LMTK2: variants seen among roughly 807,000 people sequenced by gnomAD.
The protein encoded by LMTK2 is serine/threonine-protein kinase LMTK2.
A neutral mutation model predicts 127.5 loss-of-function variants in LMTK2; 37 were observed. The ratio of observed to expected loss-of-function variants is 0.29; its 90% CI spans 0.22 to 0.38. The LOEUF (loss-of-function observed/expected upper bound fraction) is 0.38, where lower values mean the gene tolerates loss of function less well. LMTK2 is among the 10% of genes least tolerant of loss of function. LMTK2 has a pLI of 1.00. For synonymous variants in LMTK2, 819 were observed against 810.1 expected, an observed-to-expected ratio of 1.01 and a Z score of -0.19; for missense variants, 1,694 against 1,920.3, an observed-to-expected ratio of 0.88 and a Z score of 2.20.
intron 7 of LMTK2, among the ~76,000 whole-genome samples, chr7:98,174,349 A>G (rs541953882): frequency 5.7e-4 from 87 of 152,208 alleles, no homozygotes; most frequent in Non-Finnish European, 1.0e-3. Flanking sequence ...AGGCACCCAC[A>G]GTGAAGTTGT....
At chr7:98,161,169 G>A (rs1797010338) in intron 6 of LMTK2, among the ~76,000 whole-genome samples, 1 of 151,338 alleles carries the variant, frequency 6.6e-6, no homozygotes, top group Non-Finnish European at 1.5e-5. Flanking sequence ...TTCTTCTTTG[G>A]GATTCTCAAT....
chr7:98,107,203 G>A lies in LMTK2; in HGVS notation c.26G>A (p.Arg9Gln). The A allele has an allele frequency of 6.9e-7, 1 of 1,456,928 alleles. No homozygotes were observed. Among genetic ancestry groups the A allele is most frequent in the Non-Finnish European group, 9.0e-7 (1 of 1,112,716 alleles). The allele number at this position is 1,456,928 out of a possible 1,614,324, so 90.3% of individuals were successfully genotyped here. MPGPPALR[R>Q]RLLLLLLVLL... The stretch of plus-strand genomic sequence containing the variant: ...ATGCCGGGGCCGCCGGCGTTGCGGC[G>A]GAGGCTGCTGCTGCTGCTGCTGGTC... Residue 9 changes from arginine to glutamine, a missense_variant, in exon 1 of 14, where the codon CGG becomes CAG. Around this residue, in one of 8 missense-constraint regions of LMTK2, gnomAD observed 76 missense variants for 82.0 expected, o/e 0.93. Transcript: ENST00000297293.
rs1797783106 is a variant in LMTK2 at position 98,205,711 on chromosome 7, C to T, written c.*219C>T. 5.0e-6 allele frequency: 3 copies of T among 602,316 alleles called. No homozygotes were observed. Among genetic ancestry groups the T allele is most frequent in the Non-Finnish European group, 8.8e-6 (3 of 339,790 alleles). 37.3% of individuals were successfully genotyped at this position (602,316 alleles called of 1,614,324 possible). Reference sequence around the variant, plus strand: ...GCCGTGTCCAGGAGCCGGCGTCCCTCAGTGCCCCGTGCACCCGCGGCCGCG... The same window carrying T: ...GCCGTGTCCAGGAGCCGGCGTCCCTTAGTGCCCCGTGCACCCGCGGCCGCG... On this transcript the variant is annotated 3_prime_UTR_variant, in exon 14 of 14. Transcript: ENST00000297293.
chr7:98,109,846 G>T (rs1186726678), intron 1 of LMTK2, among the ~76,000 whole-genome samples: 1 of 151,848 alleles, frequency 6.6e-6, no homozygotes, highest in Admixed American at 6.6e-5. Context: ...CGTTAGCTGA[G>T]GTGGGTTCTT....
At chr7:98,112,502 G>T (rs1046885918) in intron 1 of LMTK2, among the ~76,000 whole-genome samples, 6 of 152,238 alleles carry the variant, frequency 3.9e-5, no homozygotes, top group Non-Finnish European at 7.3e-5. Flanking sequence ...CAGTTCTTCA[G>T]TGGCACTGGC....
At position 98,193,758 on chromosome 7, in the gene LMTK2, G is replaced by T. The variant is rs1160306556; in HGVS notation, c.3293G>T (p.Gly1098Val). ...TPETFTAGSQ[G>V]SYRDSAYFSD... ...GAGACGTTCACAGCTGGCTCCCAGGGTTCATACCGAGACTCTGCGTACTTC... is the reference window on the plus strand; with the variant it reads ...GAGACGTTCACAGCTGGCTCCCAGGTTTCATACCGAGACTCTGCGTACTTC... Residue 1098 changes from glycine (G) to valine (V), a missense_variant, in exon 11 of 14, where the codon GGT becomes GTT. Physicochemically the swap from Gly to Val is moderately radical, Grantham distance 109 (BLOSUM62 -3). Around this residue, in one of 8 missense-constraint regions of LMTK2, gnomAD observed 554 missense variants for 567.7 expected, o/e 0.98. Transcript: ENST00000297293. This position sits in a 1 kb window ranked among gnomAD's most constrained non-coding sequence, Gnocchi z 4.1. 5.6e-6 allele frequency: 9 copies of T among 1,613,964 alleles called. No individual in the cohort carries two copies. Among genetic ancestry groups the T allele is most frequent in the Non-Finnish European group, 6.8e-6 (8 of 1,180,016 alleles).
intron 3 of LMTK2, among the ~76,000 whole-genome samples, chr7:98,141,868 G>A (rs2116370012): frequency 6.6e-6 from 1 of 152,306 alleles, no homozygotes; most frequent in East Asian, 1.9e-4. Context: ...TTGCTGAGTA[G>A]GACTCTGCTG....
At position 98,192,429 on chromosome 7, in the gene LMTK2, T is replaced by A. The variant is rs1463864559; in HGVS notation, c.1964T>A (p.Met655Lys). The change falls in exon 11 of 14, where the codon ATG (methionine) becomes AAG (lysine). Residue 655 changes from methionine (M) to lysine (K), a missense_variant. By Grantham distance (95) the Met-to-Lys change is moderately conservative (BLOSUM62 -1). Coordinates refer to ENST00000297293, the MANE Select transcript of LMTK2 (RefSeq NM_014916.4). ...LPSHQKIFDL[M>K]ELNGVQADFK... The stretch of plus-strand genomic sequence containing the variant: ...AGTCACCAAAAAATATTCGACTTAA[T>A]GGAATTAAACGGAGTTCAAGCCGAC... 17 of 1,612,378 alleles carry A rather than the reference T, an allele frequency of 1.1e-5. No individual in the cohort carries two copies. The highest frequency in any genetic ancestry group is 1.4e-5 in the Non-Finnish European group (16 of 1,179,698).
intron 1 of LMTK2, among the ~76,000 whole-genome samples, chr7:98,133,026 C>T (rs1796545695): frequency 6.6e-6 from 1 of 152,190 alleles, no homozygotes; most frequent in South Asian, 2.1e-4. Flanking sequence ...CTCAAGTTTT[C>T]TGCTTATTGA....
intron 1 of LMTK2, among the ~76,000 whole-genome samples, 156 bp downstream of exon 1, chr7:98,107,436 G>C (rs552943338): frequency 6.6e-6 from 1 of 152,042 alleles, no homozygotes; most frequent in Admixed American, 6.5e-5. Context: ...TCTGCCGCAG[G>C]GGCGTGGGAT....
At chr7:98,172,619 T>C (rs534824728) in intron 7 of LMTK2, among the ~76,000 whole-genome samples, 1 of 152,364 alleles carries the variant, frequency 6.6e-6, no homozygotes, top group African/African-American at 2.4e-5. Flanking sequence ...AATTATTTCT[T>C]AGGTCTCCAG....
intron 1 of LMTK2, among the ~76,000 whole-genome samples, chr7:98,119,232 C>T (rs1796329071): frequency 6.6e-6 from 1 of 152,134 alleles, no homozygotes; most frequent in African/African-American, 2.4e-5. Context: ...ACTGCCACAA[C>T]ACACATATTT....
chr7:98,181,902 C>T (rs1216594685), intron 7 of LMTK2, among the ~76,000 whole-genome samples: 1 of 152,200 alleles, frequency 6.6e-6, no homozygotes, highest in Admixed American at 6.5e-5. Flanking sequence ...TGTGATCTGC[C>T]TGCCTTGGCC....
At chr7:98,198,226 C>G (rs1219718631) in intron 11 of LMTK2, among the ~76,000 whole-genome samples, 1 of 148,128 alleles carries the variant, frequency 6.8e-6, no homozygotes, top group Non-Finnish European at 1.5e-5. Flanking sequence ...ACGTCTCACT[C>G]TGTCGCCAGG....
At chr7:98,185,181 G>A in intron 8 of LMTK2, 46 bp downstream of exon 8, 1 of 1,377,832 alleles carries the variant, frequency 7.3e-7, no homozygotes, top group East Asian at 2.3e-5. Flanking sequence ...AATTTGAATT[G>A]TGAAGTTGTA....
intron 7 of LMTK2, among the ~76,000 whole-genome samples, chr7:98,182,057 A>G (rs1291220848): frequency 1.3e-5 from 2 of 152,226 alleles, no homozygotes; most frequent in Non-Finnish European, 2.9e-5. Flanking sequence ...ACATGCAAAA[A>G]ATGAAGTTGA....
intron 9 of LMTK2, among the ~76,000 whole-genome samples, chr7:98,189,053 C>G (rs1312759462): frequency 6.6e-6 from 1 of 152,106 alleles, no homozygotes; most frequent in Non-Finnish European, 1.5e-5. Context: ...AACCTTTCTT[C>G]AAGTTGAGAG....
intron 1 of LMTK2, among the ~76,000 whole-genome samples, chr7:98,120,374 C>T (rs866467377): frequency 6.6e-4 from 101 of 152,256 alleles, no homozygotes; most frequent in Middle Eastern, 6.8e-3. Context: ...GGTATAATTG[C>T]AACCTTTAAT....
At chr7:98,116,491 A>C (rs1431214388) in intron 1 of LMTK2, among the ~76,000 whole-genome samples, 1 of 151,740 alleles carries the variant, frequency 6.6e-6, no homozygotes, top group African/African-American at 2.4e-5. Flanking sequence ...GAAGCCTCTC[A>C]TTCTCTTGCG....
Sources: allele counts gnomAD v4.1 joint callset (sites outside exome capture counted in the v4.1 genomes callset), GRCh38; gene constraint gnomAD v4.1.1; regional missense constraint gnomAD v4.1.1; non-coding constraint Gnocchi (gnomAD v3.1); transcripts MANE v1.5; gene names NCBI Gene and HGNC (gene_info 2026-07-23, HGNC 2026-07-21).